Variants in GALNT17 observed in about 807,000 individuals in gnomAD.
GALNT17 encodes the protein UDP-GalNAc:polypeptide N-acetylgalactosaminyltransferase-like 3.
GALNT17 carries 29 observed loss-of-function variants against 63.7 expected under a neutral mutation model. That is an observed-to-expected ratio of 0.46 (90% CI 0.34 to 0.62). The LOEUF (loss-of-function observed/expected upper bound fraction) is 0.62, where lower values mean the gene tolerates loss of function less well. Ranked by LOEUF, GALNT17 falls within the 20% of genes least tolerant of loss-of-function variation. The probability of loss-of-function intolerance (pLI) is 0.01; values close to 1 mark genes in which losing one functional copy is unlikely to be tolerated. For synonymous variants in GALNT17, 305 were observed against 318.3 expected (o/e 0.96, Z 0.45); for missense variants, 603 against 799.6 (o/e 0.75, Z 2.97).
Position 71,231,762 on chromosome 7 carries a change from G to A in GALNT17, c.238+98722G>A, listed in dbSNP as rs543127880. On this transcript the variant is annotated intron_variant, in intron 1 of 10. Transcript: ENST00000333538. ...AGGGAGGGAGAGGGAGAGAGAGAGA[G>A]AGGGAGAGGGAGAGAGAGAGCGCTT... Among the ~76,000 whole-genome samples, 4 of 151,496 alleles carry A rather than the reference G, an allele frequency of 2.6e-5. No individual in the cohort carries two copies. The South Asian group carries it at 8.4e-4, about 32-fold the overall frequency.
At chr7:71,669,906 A>C in intron 7 of GALNT17, 66 bp from the exon 8 acceptor site, 2 of 1,585,126 alleles carry the variant, frequency 1.3e-6, no homozygotes, top group African/African-American at 1.4e-5. Flanking sequence ...AAGTGACTCC[A>C]CCTGTGCCCC....
In GALNT17 at chr7:71,695,388, T is replaced by C. The variant is rs189406812; in HGVS notation, c.1501-15373T>C. On this transcript the variant is annotated intron_variant, in intron 9 of 10. Transcript: ENST00000333538. ...TGCTTGAATCCAGCATGATGAGTCA[T>C]ATGGCAGAAGGGAGAAGCCAGCAGA... Among the ~76,000 whole-genome samples, 493 of 152,242 alleles carry C rather than the reference T, an allele frequency of 3.2e-3. 1 individual carries two copies. The highest frequency in any genetic ancestry group is 5.5e-3 in the Non-Finnish European group (377 of 68,000).
intron 9 of GALNT17, among the ~76,000 whole-genome samples, chr7:71,710,189 T>C (rs1418079658): frequency 6.6e-6 from 1 of 152,124 alleles, no homozygotes; most frequent in African/African-American, 2.4e-5. Flanking sequence ...GACTAGGTCC[T>C]AAAACATTGA....
At chr7:71,300,135 T>A (rs1474983047) in intron 1 of GALNT17, among the ~76,000 whole-genome samples, 1 of 152,204 alleles carries the variant, frequency 6.6e-6, no homozygotes, top group East Asian at 1.9e-4. Flanking sequence ...CTCTCCTTCA[T>A]GCCTGACACC....
chr7:71,287,148 G>T (rs1447886387), intron 1 of GALNT17, among the ~76,000 whole-genome samples: 2 of 152,006 alleles, frequency 1.3e-5, no homozygotes, highest in African/African-American at 4.8e-5. Flanking sequence ...GGAGTGCCGT[G>T]GTGCAATCAG....
rs1378502620 is a variant in GALNT17, at chr7:71,412,717, TTCTTC to T, written c.590-3160_590-3156del. On this transcript the variant is annotated intron_variant, in intron 3 of 10. Coordinates refer to ENST00000333538, the MANE Select transcript of GALNT17 (RefSeq NM_022479.3). ...GTCCTCAGAGAAACTCATCAACTTG[TTCTTC>T]TCTTCTCTTCTTTTTCTCTTTTTAA... Among the ~76,000 whole-genome samples, 9 of 152,320 alleles carry T rather than the reference TTCTTC, an allele frequency of 5.9e-5. No individual in the cohort carries two copies. In the East Asian group the frequency reaches 1.5e-3, roughly 26 times the overall value.
At chr7:71,542,437 C>T (rs191032818) in intron 5 of GALNT17, among the ~76,000 whole-genome samples, 1 of 151,978 alleles carries the variant, frequency 6.6e-6, no homozygotes, top group East Asian at 1.9e-4. Context: ...TCGCTGGGCA[C>T]AGTAACCCCA....
intron 1 of GALNT17, among the ~76,000 whole-genome samples, chr7:71,193,703 T>C (rs1057124743): frequency 2.0e-5 from 3 of 151,916 alleles, no homozygotes; most frequent in Non-Finnish European, 4.4e-5. Context: ...GCTACTGTGA[T>C]TCTGTTTGTG....
chr7:71,391,025 A>G (rs768969216), intron 3 of GALNT17, among the ~76,000 whole-genome samples: 2 of 152,206 alleles, frequency 1.3e-5, no homozygotes, highest in Non-Finnish European at 2.9e-5. Flanking sequence ...TAGCTGTCGC[A>G]CTTACTAGCA....
intron 1 of GALNT17, among the ~76,000 whole-genome samples, chr7:71,291,555 C>T (rs1021999402): frequency 3.9e-4 from 60 of 152,146 alleles, no homozygotes; most frequent in African/African-American, 1.4e-3. Flanking sequence ...GTATTTATTG[C>T]CAGGGTTATT....
intron 1 of GALNT17, among the ~76,000 whole-genome samples, chr7:71,180,122 T>A (rs1322373846): frequency 6.6e-6 from 1 of 151,554 alleles, no homozygotes; most frequent in Non-Finnish European, 1.5e-5. Flanking sequence ...ACAATGAGTA[T>A]TTTTTTTCTT....
chr7:71,420,078 T>C (rs1285791856), intron 4 of GALNT17, among the ~76,000 whole-genome samples: 1 of 152,194 alleles, frequency 6.6e-6, no homozygotes, highest in Non-Finnish European at 1.5e-5. Context: ...ATTAATGCCC[T>C]GGCTTAGGAG....
chr7:71,245,616 C>T (rs534064475), intron 1 of GALNT17, among the ~76,000 whole-genome samples: 5 of 152,266 alleles, frequency 3.3e-5, no homozygotes, highest in Middle Eastern at 3.4e-3. Context: ...TGAAGGTTAA[C>T]GCCCTGTGGA....
At chr7:71,545,676 C>T (rs560722337) in intron 5 of GALNT17, among the ~76,000 whole-genome samples, 315 of 152,154 alleles carry the variant, frequency 2.1e-3, no homozygotes, top group African/African-American at 7.1e-3. Flanking sequence ...TTTGAACATT[C>T]GTATTTTATG....
At chr7:71,656,017 A>G (rs975477868) in intron 6 of GALNT17, among the ~76,000 whole-genome samples, 1 of 152,040 alleles carries the variant, frequency 6.6e-6, no homozygotes, top group Admixed American at 6.6e-5. Flanking sequence ...TCTCCAGACA[A>G]TTTCGCTGCT....
chr7:71,143,174 C>T (rs976087557), intron 1 of GALNT17, among the ~76,000 whole-genome samples: 4 of 152,018 alleles, frequency 2.6e-5, no homozygotes, highest in Non-Finnish European at 4.4e-5. Flanking sequence ...GTAATCCCAG[C>T]ACTTTGGGAG....
chr7:71,478,757 TAGG>T lies in GALNT17; in HGVS notation c.962+57660_962+57662del, dbSNP rs150379778. On this transcript the variant is annotated intron_variant, in intron 5 of 10. Coordinates refer to ENST00000333538, the MANE Select transcript of GALNT17 (RefSeq NM_022479.3). Reference sequence around the variant, plus strand: ...AGACAAAGGTCTGTGAAGATAGGGGTAGGAGGAGGATGAAAATGTATCATGCAA... The same window carrying T: ...AGACAAAGGTCTGTGAAGATAGGGGTAGGAGGATGAAAATGTATCATGCAA... Among the ~76,000 whole-genome samples, 785 of 152,074 alleles carry T rather than the reference TAGG, an allele frequency of 5.2e-3. 8 individuals are homozygous for T. The highest frequency in any genetic ancestry group is 0.018 in the African/African-American group (749 of 41,488).
intron 1 of GALNT17, among the ~76,000 whole-genome samples, chr7:71,301,338 T>C (rs947046019): frequency 2.7e-5 from 4 of 147,512 alleles, no homozygotes; most frequent in South Asian, 2.1e-4. Context: ...TTTTTAATTA[T>C]TATATTAAAA....
chr7:71,448,230 T>C (rs1787192918), intron 5 of GALNT17, among the ~76,000 whole-genome samples: 1 of 152,314 alleles, frequency 6.6e-6, no homozygotes, highest in Non-Finnish European at 1.5e-5. Flanking sequence ...ATTCTTTTAT[T>C]CTGGGTGCTC....
Sources: allele counts gnomAD v4.1 joint callset (sites outside exome capture counted in the v4.1 genomes callset), GRCh38; gene constraint gnomAD v4.1.1; transcripts MANE v1.5; gene names NCBI Gene and HGNC (gene_info 2026-07-23, HGNC 2026-07-21).